The following KRAS variants were observed in gnomAD, a reference collection of about 807,000 sequenced individuals.
KRAS encodes GTPase KRas.
A neutral mutation model predicts 21.0 loss-of-function variants in KRAS; 1 was observed. The observed-to-expected ratio is 0.05, with a 90% CI of 0.02 to 0.23. The LOEUF is 0.23. KRAS is among the 10% of genes least tolerant of loss of function. KRAS has a pLI of 1.00. For synonymous variants in KRAS, 67 were observed against 72.5 expected, an observed-to-expected ratio of 0.92 and a Z score of 0.39; for missense variants, 107 against 221.8, an observed-to-expected ratio of 0.48 and a Z score of 3.29.
intron 2 of KRAS, among the ~76,000 whole-genome samples, chr12:25,232,200 A>C (rs983966385): frequency 2.8e-4 from 43 of 152,244 alleles, no homozygotes; most frequent in Non-Finnish European, 7.3e-5. Context: ...CTTTCAAAAA[A>C]TTTAGAGTCT....
rs1301576692 is a variant in KRAS at position 25,209,663 on chromosome 12, G to A, written c.*132C>T. On this transcript the variant is annotated 3_prime_UTR_variant, in exon 5 of 5. Transcript: ENST00000311936. Reference sequence around the variant, plus strand: ...CTGTCATTTTAAAATAAGCATTTAAGGTAAAAGCTAACAGTCTGCATGGAG... The same window carrying A: ...CTGTCATTTTAAAATAAGCATTTAAAGTAAAAGCTAACAGTCTGCATGGAG... The A allele has an allele frequency of 6.4e-6, 9 of 1,398,956 alleles. No homozygotes were observed. The South Asian group carries it at 8.7e-5, about 14-fold the overall frequency. 86.7% of individuals were successfully genotyped at this position (1,398,956 alleles called of 1,614,324 possible).
chr12:25,249,167 C>A (rs763996692), intron 1 of KRAS, among the ~76,000 whole-genome samples: 5 of 152,100 alleles, frequency 3.3e-5, no homozygotes, highest in Non-Finnish European at 5.9e-5. Context: ...GAGGCCGAGG[C>A]GGGCAGATCA....
At chr12:25,245,145 C>T (rs918120052) in intron 2 of KRAS, 129 bp downstream of exon 2, 1 of 1,007,242 alleles carries the variant, frequency 9.9e-7, no homozygotes, top group Non-Finnish European at 1.5e-6. Flanking sequence ...ACCCAAGGTA[C>T]ATTTCAGATA....
At chr12:25,215,548 C>CA in intron 4 of KRAS, 1 of 1,610,956 alleles carries the variant, frequency 6.2e-7, no homozygotes, top group South Asian at 1.1e-5. Context: ...GTATAAAAAG[C>CA]ATCCTCCACT....
chr12:25,207,072 T>TA lies in KRAS; in HGVS notation c.*2722dup, dbSNP rs1951146333. On this transcript the variant is annotated 3_prime_UTR_variant, in exon 5 of 5. Transcript: ENST00000311936. The stretch of plus-strand genomic sequence containing the variant: ...AGACCAAACCCCTTCTTTGCAAAAC[T>TA]AAAATACGCATCGTGTTATCTCTGG... 1 of 211,944 alleles carries TA rather than the reference T, an allele frequency of 4.7e-6. No homozygotes were observed. The highest frequency in any genetic ancestry group is 9.6e-6 in the Non-Finnish European group (1 of 104,604). 13.1% of individuals were successfully genotyped at this position (211,944 alleles called of 1,614,324 possible).
At chr12:25,249,531 T>A (rs570891734) in intron 1 of KRAS, among the ~76,000 whole-genome samples, 17 of 125,400 alleles carry the variant, frequency 1.4e-4, no homozygotes, top group African/African-American at 4.5e-4. Flanking sequence ...GGCGGAGGTT[T>A]CAGTGAGCCG....
At chr12:25,233,884 A>G (rs1951509712) in intron 2 of KRAS, 1 of 191,920 alleles carries the variant, frequency 5.2e-6, no homozygotes, top group African/African-American at 2.3e-5. Context: ...AGCAGTTAAC[A>G]TAAATACAAT....
chr12:25,225,453 A>C (rs1951380327), intron 4 of KRAS, 161 bp downstream of exon 4: 6 of 695,012 alleles, frequency 8.6e-6, no homozygotes, highest in Admixed American at 2.4e-5. Flanking sequence ...TACCATGGAC[A>C]CTGGATTAAG....
rs1456936477 is a variant in KRAS, at chr12:25,207,680, T to C, written c.*2115A>G. On this transcript the variant is annotated 3_prime_UTR_variant, in exon 5 of 5. Transcript: ENST00000311936. ...TTTATTAAATTCTCCTTCCACTGGA[T>C]AGGGTTCTGTCTATTCATACCAGGT... 3 of 232,246 alleles carry C rather than the reference T, an allele frequency of 1.3e-5. No individual in the cohort carries two copies. Among genetic ancestry groups the C allele is most frequent in the East Asian group, 6.1e-5 (1 of 16,446 alleles). 14.4% of individuals were successfully genotyped at this position (232,246 alleles called of 1,614,324 possible).
In KRAS at chr12:25,216,009, T is replaced by C. The variant is rs188425168; in HGVS notation, c.451-6098A>G. ...GAATGAGAAGAAAAATGGTAAAATA[T>C]GGACGTGAAACCTTTGTTAAAAAAC... On this transcript the variant is annotated intron_variant, in intron 4 of 4. Transcript: ENST00000311936. 3.3e-5 allele frequency among the ~76,000 whole-genome samples: 5 copies of C among 152,318 alleles called. No individual in the cohort carries two copies. In the East Asian group the frequency reaches 9.6e-4, roughly 29 times the overall value.
At chr12:25,249,433 A>C (rs2135812524) in intron 1 of KRAS, among the ~76,000 whole-genome samples, 1 of 151,178 alleles carries the variant, frequency 6.6e-6, no homozygotes, top group East Asian at 1.9e-4. Context: ...TCTACTAAAA[A>C]TACAAAAATT....
intron 2 of KRAS, among the ~76,000 whole-genome samples, chr12:25,231,588 C>T (rs1951471709): frequency 6.6e-6 from 1 of 151,832 alleles, no homozygotes; most frequent in African/African-American, 2.4e-5. Flanking sequence ...GAAAGCAGTC[C>T]CCTATTCACT....
chr12:25,250,559 C>A (rs924767866), intron 1 of KRAS, among the ~76,000 whole-genome samples, 192 bp downstream of exon 1: 6 of 152,134 alleles, frequency 3.9e-5, no homozygotes, highest in African/African-American at 1.4e-4. Context: ...TTCCTCACTC[C>A]CCGCGCCGCC....
chr12:25,248,335 G>A (rs1257293837), intron 1 of KRAS, among the ~76,000 whole-genome samples: 4 of 151,934 alleles, frequency 2.6e-5, no homozygotes, highest in Non-Finnish European at 5.9e-5. Context: ...CTGTAATCCC[G>A]GCTACTCGGG....
chr12:25,213,812 TTA>T (rs1951224868), intron 4 of KRAS, among the ~76,000 whole-genome samples: 1 of 152,206 alleles, frequency 6.6e-6, no homozygotes, highest in Admixed American at 6.5e-5. Flanking sequence ...GCCATGAACT[TTA>T]TGATACCTAG....
intron 2 of KRAS, among the ~76,000 whole-genome samples, chr12:25,239,365 T>C (rs1396883455): frequency 6.6e-6 from 1 of 152,204 alleles, no homozygotes; most frequent in Non-Finnish European, 1.5e-5. Context: ...CTCAGTTTTT[T>C]CCCAAATGTT....
intron 1 of KRAS, among the ~76,000 whole-genome samples, chr12:25,248,393 C>G (rs1313793166): frequency 6.8e-6 from 1 of 147,576 alleles, no homozygotes; most frequent in African/African-American, 2.5e-5. Flanking sequence ...GAGGTAGTAG[C>G]GGGCCGAGAT....
chr12:25,248,118 C>T (rs1354194945), intron 1 of KRAS, among the ~76,000 whole-genome samples: 1 of 152,042 alleles, frequency 6.6e-6, no homozygotes, highest in East Asian at 1.9e-4. Flanking sequence ...GCCTCAGTCT[C>T]CCAAAGTGCT....
intron 4 of KRAS, chr12:25,215,338 A>G (rs1951241908): frequency 1.3e-6 from 2 of 1,507,272 alleles, no homozygotes; most frequent in Admixed American, 3.7e-5. Context: ...ACTTCAAGTT[A>G]GAATACTACA....
Sources: gnomAD v4.1 joint callset for allele counts (sites outside exome capture counted in the v4.1 genomes callset) on GRCh38, gnomAD v4.1.1 for gene constraint, MANE v1.5 for transcripts, NCBI Gene and HGNC (gene_info 2026-07-23, HGNC 2026-07-21) for gene names.